PDE4B: variants seen among roughly 807,000 people sequenced by gnomAD.
PDE4B encodes 3',5'-cyclic-AMP phosphodiesterase 4B.
Under a neutral mutation model 82.2 loss-of-function variants are expected in PDE4B, and 20 were observed. The ratio of observed to expected loss-of-function variants is 0.24; its 90% CI spans 0.17 to 0.35. The LOEUF is 0.35. Among genes scored for constraint, PDE4B ranks in the 10% least tolerant of loss-of-function variants. The pLI is 1.00. For synonymous variants in PDE4B, 320 were observed against 318.9 expected (o/e 1.00, Z -0.04); for missense variants, 655 against 907.2 (o/e 0.72, Z 3.57).
At chr1:66,296,572 G>A (rs911554371) in intron 7 of PDE4B, among the ~76,000 whole-genome samples, 4 of 152,060 alleles carry the variant, frequency 2.6e-5, no homozygotes, top group African/African-American at 9.7e-5. Context: ...TAAATCTCAG[G>A]TTCCTCATTT....
intron 7 of PDE4B, among the ~76,000 whole-genome samples, chr1:66,331,025 G>T (rs1261800601): frequency 6.6e-6 from 1 of 152,172 alleles, no homozygotes; most frequent in Non-Finnish European, 1.5e-5. Flanking sequence ...ATATTTCGGG[G>T]ATAAACAAAG....
At chr1:66,351,944 A>G (rs1213254883) in intron 8 of PDE4B, among the ~76,000 whole-genome samples, 6 of 152,146 alleles carry the variant, frequency 3.9e-5, no homozygotes, top group Admixed American at 6.5e-5. Context: ...ACTGGACTCT[A>G]CATATACTAG....
chr1:66,015,139 T>G (rs1239248008), intron 3 of PDE4B, among the ~76,000 whole-genome samples: 1 of 152,212 alleles, frequency 6.6e-6, no homozygotes, highest in Non-Finnish European at 1.5e-5. Context: ...CTTCTCACTT[T>G]CTTTCACCAT....
intron 7 of PDE4B, among the ~76,000 whole-genome samples, chr1:66,271,768 T>C (rs1256722277): frequency 3.3e-5 from 5 of 152,196 alleles, no homozygotes; most frequent in Non-Finnish European, 5.9e-5. Context: ...CTTTTAAAAA[T>C]GAGTCTCACA....
intron 3 of PDE4B, among the ~76,000 whole-genome samples, chr1:66,076,379 A>G (rs967211878): frequency 2.6e-5 from 4 of 152,238 alleles, no homozygotes; most frequent in South Asian, 2.1e-4. Context: ...ATGGCTGCAT[A>G]ATTTTCCATC....
chr1:66,009,950 TATC>T lies in PDE4B; in HGVS notation c.281+91119_281+91121del, dbSNP rs1263816185. Among the ~76,000 whole-genome samples the T allele has an allele frequency of 1.4e-3, 203 of 141,156 alleles. 1 individual carries two copies. The highest frequency in any genetic ancestry group is 5.1e-3 in the African/African-American group (182 of 35,586). The allele number at this position is 141,156 out of a possible 152,430, so 92.6% of individuals were successfully genotyped here. ...CTATCTATCTATCTATCTATCTATC[TATC>T]ATCTATCTATCTAATCTTTGGTATT... On this transcript the variant is annotated intron_variant, in intron 3 of 16. Coordinates refer to ENST00000341517, the MANE Select transcript of PDE4B (RefSeq NM_002600.4).
At chr1:65,970,646 G>T (rs1368643898) in intron 3 of PDE4B, among the ~76,000 whole-genome samples, 3 of 152,076 alleles carry the variant, frequency 2.0e-5, no homozygotes, top group Non-Finnish European at 4.4e-5. Context: ...TATGGTAAAG[G>T]TATCTACTGA....
At chr1:65,855,142 G>GATATTATATTATATTATATT (rs200109700) in intron 1 of PDE4B, among the ~76,000 whole-genome samples, 9 of 150,196 alleles carry the variant, frequency 6.0e-5, no homozygotes, top group African/African-American at 2.0e-4. Flanking sequence ...TATTTAAGCA[G>GATATTATATTATATTATATT]ATATTATATT....
chr1:65,848,654 G>T (rs919786380), intron 1 of PDE4B, among the ~76,000 whole-genome samples: 1 of 152,042 alleles, frequency 6.6e-6, no homozygotes, highest in African/African-American at 2.4e-5. Flanking sequence ...CTCTTTTGTG[G>T]CTGGCCTTTC....
At chr1:65,793,798 T>C (rs1645601307) in intron 1 of PDE4B, among the ~76,000 whole-genome samples, 1 of 152,206 alleles carries the variant, frequency 6.6e-6, no homozygotes, top group Non-Finnish European at 1.5e-5. Context: ...TGAGGGGGCT[T>C]GGACCTTTCT....
At chr1:65,927,726 C>T (rs534056797) in intron 3 of PDE4B, among the ~76,000 whole-genome samples, 14 of 151,958 alleles carry the variant, frequency 9.2e-5, no homozygotes, top group African/African-American at 2.9e-4. Context: ...TCCAGGGATG[C>T]GATATTGTTT....
chr1:66,096,508 TTATATATATA>T lies in PDE4B; in HGVS notation c.282-150927_282-150918del, dbSNP rs4068855. On this transcript the variant is annotated intron_variant, in intron 3 of 16. Coordinates refer to ENST00000341517, the MANE Select transcript of PDE4B (RefSeq NM_002600.4). ...TTAAATGCGGTATAAGTAAAAAAAA[TTATATATATA>T]TATATATATATATATATATATATAC... Among the ~76,000 whole-genome samples, 59 of 107,320 alleles carry T rather than the reference TTATATATATA, an allele frequency of 5.5e-4. 2 individuals are homozygous for T. The highest frequency in any genetic ancestry group is 1.3e-3 in the Admixed American group (12 of 9,058). The allele number at this position is 107,320 out of a possible 152,430, so 70.4% of individuals were successfully genotyped here. A position where few individuals can be genotyped will look rare whatever the true frequency, so the allele number is the denominator to read the frequency against.
intron 3 of PDE4B, among the ~76,000 whole-genome samples, chr1:66,186,479 C>T (rs755807477): frequency 1.3e-5 from 2 of 152,112 alleles, no homozygotes; most frequent in Non-Finnish European, 2.9e-5. Flanking sequence ...ATGGAATGTT[C>T]TTCCATTTGT....
At chr1:66,239,802 A>T (rs1200947834) in intron 3 of PDE4B, among the ~76,000 whole-genome samples, 1 of 152,260 alleles carries the variant, frequency 6.6e-6, no homozygotes, top group Non-Finnish European at 1.5e-5. Context: ...AAGTGTTGAT[A>T]TTCTTTTTTC....
intron 3 of PDE4B, among the ~76,000 whole-genome samples, chr1:66,124,945 C>T (rs894667542): frequency 1.0e-5 from 1 of 95,828 alleles, no homozygotes; most frequent in South Asian, 3.7e-4. Flanking sequence ...GTGTGTGTGC[C>T]CTGCGATGGA....
intron 3 of PDE4B, among the ~76,000 whole-genome samples, chr1:65,995,270 T>C (rs1018426162): frequency 1.3e-5 from 2 of 152,168 alleles, no homozygotes; most frequent in African/African-American, 4.8e-5. Context: ...TAAGTCTTTA[T>C]TTATATTTAT....
chr1:66,091,272 T>G (rs985078346), intron 3 of PDE4B, among the ~76,000 whole-genome samples: 1 of 151,986 alleles, frequency 6.6e-6, no homozygotes, highest in Non-Finnish European at 1.5e-5. Flanking sequence ...AATTCAGGGG[T>G]TTCCTAGCAA....
At chr1:66,211,798 A>G (rs17423605) in intron 3 of PDE4B, among the ~76,000 whole-genome samples, 24,384 of 152,260 alleles carry the variant, frequency 0.16, 2,189 homozygotes, top group Non-Finnish European at 0.2. Context: ...TCAGTGTATC[A>G]TAGAACATAG....
At chr1:66,207,248 C>A (rs558168419) in intron 3 of PDE4B, among the ~76,000 whole-genome samples, 3 of 152,232 alleles carry the variant, frequency 2.0e-5, no homozygotes, top group East Asian at 1.9e-4. Context: ...TTATTTCTTA[C>A]AAATCATATG....
Sources: allele counts gnomAD v4.1 joint callset (sites outside exome capture counted in the v4.1 genomes callset), GRCh38; gene constraint gnomAD v4.1.1; transcripts MANE v1.5; gene names NCBI Gene and HGNC (gene_info 2026-07-23, HGNC 2026-07-21).